Variants in SLC35F4 observed in about 807,000 individuals in gnomAD.
SLC35F4 encodes the protein solute carrier family 35 member F4.
SLC35F4 carries 24 observed loss-of-function variants against 44.2 expected under a neutral mutation model. That is an observed-to-expected ratio of 0.54 (90% CI 0.39 to 0.76). The LOEUF is 0.76. SLC35F4 is among the 30% of genes least tolerant of loss of function. The pLI, the probability that SLC35F4 is intolerant of heterozygous loss-of-function variation, is 0.00. For missense variants in SLC35F4, 562 were observed against 586.1 expected, an observed-to-expected ratio of 0.96 and a Z score of 0.42; for synonymous variants, 238 against 223.6, an observed-to-expected ratio of 1.06 and a Z score of -0.57.
chr14:57,623,444 T>C (rs781565327), intron 1 of SLC35F4, among the ~76,000 whole-genome samples: 4 of 152,160 alleles, frequency 2.6e-5, no homozygotes, highest in Non-Finnish European at 2.9e-5. Flanking sequence ...TGAACTCAGC[T>C]CTGGACCAAG....
intron 1 of SLC35F4, among the ~76,000 whole-genome samples, chr14:57,740,902 C>A (rs191078436): frequency 6.6e-6 from 1 of 152,220 alleles, no homozygotes; most frequent in African/African-American, 2.4e-5. Flanking sequence ...ACACCTCACA[C>A]GGCCGGGTGC....
upstream of SLC35F4, among the ~76,000 whole-genome samples, chr14:57,868,389 T>C (rs1457173732): frequency 6.6e-6 from 1 of 152,214 alleles, no homozygotes; most frequent in Admixed American, 6.5e-5. Context: ...TGAACACTCT[T>C]GGCATATATG....
intron 1 of SLC35F4, among the ~76,000 whole-genome samples, chr14:57,926,174 A>G (rs1475970898): frequency 6.6e-6 from 1 of 152,200 alleles, no homozygotes; most frequent in Non-Finnish European, 1.5e-5. Flanking sequence ...CAGGCCAGCT[A>G]CCATTTTTAC....
At position 57,978,922 on chromosome 14, in the gene SLC35F4, C is replaced by T. The variant is rs190317065; in HGVS notation, n.152-1965G>A. On this transcript the variant is annotated intron_variant and non_coding_transcript_variant, in intron 1 of 1. Coordinates refer to the SLC35F4 transcript ENST00000554648. ...TACTGTATTGGTGGAAGTGAGTAGT[C>T]CTCATTGCCAGAAAGAGCAAGGTTG... is the stretch of plus-strand genomic sequence containing the variant. 5.0e-3 allele frequency among the ~76,000 whole-genome samples: 760 copies of T among 152,284 alleles called. 3 individuals carry two copies. The highest frequency in any genetic ancestry group is 5.7e-3 in the Non-Finnish European group (391 of 68,020).
intron 1 of SLC35F4, among the ~76,000 whole-genome samples, chr14:57,688,251 G>T (rs2075125172): frequency 6.6e-6 from 1 of 152,072 alleles, no homozygotes; most frequent in Non-Finnish European, 1.5e-5. Context: ...AAAAGGTATT[G>T]GTTAATTTTT....
chr14:57,731,263 C>A (rs768218349), intron 1 of SLC35F4, among the ~76,000 whole-genome samples: 2 of 152,124 alleles, frequency 1.3e-5, no homozygotes, highest in African/African-American at 4.8e-5. Context: ...AAGTGGGTAC[C>A]AAGTTGTGCC....
chr14:57,593,045 G>C (rs572737913), intron 2 of SLC35F4, among the ~76,000 whole-genome samples: 2 of 152,296 alleles, frequency 1.3e-5, no homozygotes, highest in South Asian at 2.1e-4. Context: ...AAATTGGAAA[G>C]GTAGAAAGAC....
intron 1 of SLC35F4, among the ~76,000 whole-genome samples, chr14:57,898,655 A>G (rs1888934872): frequency 6.6e-6 from 1 of 152,246 alleles, no homozygotes; most frequent in African/African-American, 2.4e-5. Context: ...CTCAATTTGC[A>G]TGTCAACATT....
chr14:57,717,891 G>A (rs1325312752), intron 1 of SLC35F4, among the ~76,000 whole-genome samples: 1 of 152,104 alleles, frequency 6.6e-6, no homozygotes, highest in Non-Finnish European at 1.5e-5. Context: ...ATTTTAAAAT[G>A]TACAATTAAA....
rs1370920057 is a variant in SLC35F4, at chr14:57,981,735, A to C, written n.151+178T>G. ...GGAATACCTTCAAAGACTGTACTTC[A>C]GCAAGACTGTATATAGTTCGGAAAA... On this transcript the variant is annotated intron_variant and non_coding_transcript_variant, in intron 1 of 1. Coordinates refer to the SLC35F4 transcript ENST00000554648. Among the ~76,000 whole-genome samples the C allele has an allele frequency of 2.6e-5, 4 of 152,248 alleles. No homozygotes were observed. The East Asian group carries it at 7.7e-4, about 29-fold the overall frequency.
intron 1 of SLC35F4, among the ~76,000 whole-genome samples, chr14:57,937,622 AAAGAAAAGAAAAGAAAAG>A (rs2141070559): frequency 8.3e-6 from 1 of 120,718 alleles, no homozygotes; most frequent in East Asian, 4.1e-4. Context: ...AAAGAAAAGA[AAAGAAAAGAAAAGAAAAG>A]AAAAGAAAAG....
At chr14:57,858,946 A>T (rs1887415426) in intron 1 of SLC35F4, among the ~76,000 whole-genome samples, 1 of 151,638 alleles carries the variant, frequency 6.6e-6, no homozygotes, top group African/African-American at 2.4e-5. Flanking sequence ...AAAAAAAAAA[A>T]AAAAATTAAT....
chr14:57,627,677 A>G (rs1329042989), intron 1 of SLC35F4, among the ~76,000 whole-genome samples: 2 of 152,128 alleles, frequency 1.3e-5, no homozygotes, highest in Non-Finnish European at 2.9e-5. Flanking sequence ...CTTGAATACA[A>G]TATTCATAAA....
intron 1 of SLC35F4, among the ~76,000 whole-genome samples, chr14:57,949,608 T>A (rs773464063): frequency 7.9e-5 from 12 of 152,198 alleles, no homozygotes; most frequent in Non-Finnish European, 1.5e-4. Context: ...ATTGTGTTAT[T>A]GTTTTATAGG....
intron 1 of SLC35F4, among the ~76,000 whole-genome samples, chr14:57,800,896 G>C (rs2078176468): frequency 6.6e-6 from 1 of 152,134 alleles, no homozygotes; most frequent in South Asian, 2.1e-4. Context: ...TGACTGATTG[G>C]GGTACCTGAA....
chr14:57,925,524 AG>A (rs1566931017), intron 1 of SLC35F4, among the ~76,000 whole-genome samples: 97 of 30,920 alleles, frequency 3.1e-3, no homozygotes, highest in East Asian at 0.015. Context: ...GGAGGGAGGG[AG>A]GGAGGGAGGG....
chr14:57,622,263 T>C (rs1340523781), intron 1 of SLC35F4, among the ~76,000 whole-genome samples: 2 of 133,542 alleles, frequency 1.5e-5, no homozygotes, highest in African/African-American at 5.9e-5. Context: ...AGTGTGGCGA[T>C]TCCTCAGGGA....
chr14:57,656,600 A>T (rs2073981712), intron 1 of SLC35F4, among the ~76,000 whole-genome samples: 1 of 152,086 alleles, frequency 6.6e-6, no homozygotes, highest in Admixed American at 6.6e-5. Context: ...TAAAGGATGT[A>T]GGTTCAAATC....
chr14:57,882,146 G>A (rs1185827031), intron 1 of SLC35F4, among the ~76,000 whole-genome samples: 1 of 152,088 alleles, frequency 6.6e-6, no homozygotes, highest in Admixed American at 6.6e-5. Flanking sequence ...AAGAGGACAT[G>A]CTAGCTCCGA....
Sources: gnomAD v4.1 joint callset for allele counts (sites outside exome capture counted in the v4.1 genomes callset) on GRCh38, gnomAD v4.1.1 for gene constraint, MANE v1.5 for transcripts, NCBI Gene and HGNC (gene_info 2026-07-23, HGNC 2026-07-21) for gene names.